SOX5: variants seen among roughly 807,000 people sequenced by gnomAD.
The protein encoded by SOX5 is transcription factor SOX-5.
SOX5 carries 9 observed loss-of-function variants against 92.0 expected under a neutral mutation model. That is an observed-to-expected ratio of 0.10 (90% confidence interval 0.06 to 0.17). The LOEUF (loss-of-function observed/expected upper bound fraction) is 0.17. SOX5 is among the 10% of genes least tolerant of loss of function. SOX5 has a pLI of 1.00. For synonymous variants in SOX5, 344 were observed against 336.3 expected, an observed-to-expected ratio of 1.02 and a Z score of -0.25; for missense variants, 642 against 944.5, an observed-to-expected ratio of 0.68 and a Z score of 4.20.
At chr12:24,382,099 G>C (rs752869181) in intron 1 of SOX5, among the ~76,000 whole-genome samples, 1 of 152,118 alleles carries the variant, frequency 6.6e-6, no homozygotes, top group African/African-American at 2.4e-5. Flanking sequence ...AATATTCTTA[G>C]GGAGATCAAA....
chr12:24,152,405 G>A (rs1047879525), intron 4 of SOX5, among the ~76,000 whole-genome samples: 1 of 152,068 alleles, frequency 6.6e-6, no homozygotes, highest in African/African-American at 2.4e-5. Flanking sequence ...TCAGAGTGGG[G>A]TGTCCCCAGA....
intron 2 of SOX5, among the ~76,000 whole-genome samples, chr12:24,317,574 C>T (rs551945502): frequency 1.3e-5 from 2 of 152,310 alleles, no homozygotes; most frequent in South Asian, 2.1e-4. Flanking sequence ...ATTCTTTCCA[C>T]TGTTGCTGGG....
intron 4 of SOX5, among the ~76,000 whole-genome samples, chr12:24,162,155 A>G (rs1952830122): frequency 6.6e-6 from 1 of 152,050 alleles, no homozygotes; most frequent in South Asian, 2.1e-4. Flanking sequence ...TAAAAATCCT[A>G]CTAGGGTTCA....
chr12:23,850,509 T>C (rs758768062), intron 2 of SOX5, among the ~76,000 whole-genome samples: 4 of 150,260 alleles, frequency 2.7e-5, no homozygotes, highest in Non-Finnish European at 5.9e-5. Context: ...AAAACAAAAC[T>C]TCAAAAAATA....
chr12:24,290,982 T>C (rs1324055938), intron 2 of SOX5, among the ~76,000 whole-genome samples: 1 of 152,232 alleles, frequency 6.6e-6, no homozygotes, highest in African/African-American at 2.4e-5. Context: ...GGTTGCAGTT[T>C]GATGGCTGAT....
At chr12:24,438,153 A>G (rs1939808120) in intron 1 of SOX5, among the ~76,000 whole-genome samples, 1 of 152,118 alleles carries the variant, frequency 6.6e-6, no homozygotes, top group South Asian at 2.1e-4. Flanking sequence ...GAAGCTGGAA[A>G]CCATCATTCT....
chr12:23,679,625 T>C (rs942360121), intron 6 of SOX5, among the ~76,000 whole-genome samples: 3 of 152,192 alleles, frequency 2.0e-5, no homozygotes, highest in Non-Finnish European at 2.9e-5. Context: ...ACTTCCTAAA[T>C]GGTCAGTAAA....
chr12:24,521,811 G>A (rs1950286424), intron 1 of SOX5, among the ~76,000 whole-genome samples: 1 of 151,902 alleles, frequency 6.6e-6, no homozygotes, highest in South Asian at 2.1e-4. Context: ...AGCAAAAGAA[G>A]TAATAACAGA....
chr12:24,240,483 G>T (rs1208201739), intron 3 of SOX5, among the ~76,000 whole-genome samples: 3 of 152,102 alleles, frequency 2.0e-5, no homozygotes, highest in African/African-American at 7.2e-5. Flanking sequence ...CGAATATCAA[G>T]ATTTCCAGAA....
intron 14 of SOX5, among the ~76,000 whole-genome samples, chr12:23,535,860 A>G (rs1433684397): frequency 6.6e-6 from 1 of 152,316 alleles, no homozygotes; most frequent in East Asian, 1.9e-4. Flanking sequence ...GCATTTCTGT[A>G]GCCCATCTAC....
intron 4 of SOX5, among the ~76,000 whole-genome samples, chr12:23,755,142 G>A (rs1282312429): frequency 6.6e-6 from 1 of 151,728 alleles, no homozygotes; most frequent in Non-Finnish European, 1.5e-5. Flanking sequence ...TTAGCTGGAT[G>A]TAATTGCTGA....
At chr12:24,238,489 C>T (rs1964954828) in intron 3 of SOX5, among the ~76,000 whole-genome samples, 1 of 152,170 alleles carries the variant, frequency 6.6e-6, no homozygotes, top group Non-Finnish European at 1.5e-5. Flanking sequence ...GTAGGTGGGA[C>T]TAAAAGCACA....
chr12:24,243,478 T>C (rs569953198), intron 3 of SOX5, among the ~76,000 whole-genome samples: 1 of 152,298 alleles, frequency 6.6e-6, no homozygotes, highest in South Asian at 2.1e-4. Context: ...TTTTTAGTAA[T>C]TCAAAGAGAA....
chr12:24,407,496 G>A (rs1330451179), intron 1 of SOX5: 1 of 152,202 alleles, frequency 6.6e-6, no homozygotes, highest in Non-Finnish European at 1.5e-5. Context: ...TGCCACATTT[G>A]GGGAGGCTTG....
intron 6 of SOX5, among the ~76,000 whole-genome samples, chr12:23,697,636 T>G (rs2090059984): frequency 1.3e-5 from 2 of 152,186 alleles, no homozygotes; most frequent in African/African-American, 4.8e-5. Flanking sequence ...CAGCAACCTC[T>G]GCCTCCCAGA....
At chr12:24,009,855 T>A (rs1952711703) in intron 4 of SOX5, among the ~76,000 whole-genome samples, 1 of 152,114 alleles carries the variant, frequency 6.6e-6, no homozygotes, top group Non-Finnish European at 1.5e-5. Flanking sequence ...CCCCAGAAAT[T>A]GAAACTATAA....
chr12:24,398,728 A>C (rs1960710016), intron 1 of SOX5, among the ~76,000 whole-genome samples: 2 of 152,224 alleles, frequency 1.3e-5, no homozygotes, highest in African/African-American at 4.8e-5. Flanking sequence ...TGTTTTGACT[A>C]TGCATTGATA....
chr12:24,222,603 G>A (rs1594452317), intron 3 of SOX5, among the ~76,000 whole-genome samples: 1 of 152,118 alleles, frequency 6.6e-6, no homozygotes, highest in South Asian at 2.1e-4. Context: ...GATATATCTA[G>A]GTTTTATGCA....
intron 3 of SOX5, among the ~76,000 whole-genome samples, chr12:23,777,441 CTT>C (rs1048595925): frequency 1.3e-4 from 20 of 152,086 alleles, no homozygotes; most frequent in African/African-American, 4.8e-4. Flanking sequence ...TCCTTGTCCT[CTT>C]AAACAATTCT....
Sources: allele counts gnomAD v4.1 joint callset (sites outside exome capture counted in the v4.1 genomes callset), GRCh38; gene constraint gnomAD v4.1.1; transcripts MANE v1.5; gene names NCBI Gene and HGNC (gene_info 2026-07-23, HGNC 2026-07-21).